Variants in OTUD7A observed in about 807,000 individuals in gnomAD.
OTUD7A encodes the protein OTU deubiquitinase 7A.
In OTUD7A, 12 loss-of-function variants were observed where a neutral mutation model predicts 65.7. That is an observed-to-expected ratio of 0.18 (90% CI 0.12 to 0.30). The LOEUF is 0.30. OTUD7A is among the 10% of genes least tolerant of loss of function. OTUD7A has a pLI of 1.00. For synonymous variants in OTUD7A, 641 were observed against 586.3 expected, an observed-to-expected ratio of 1.09 and a Z score of -1.35; for missense variants, 1,148 against 1,304.8, an observed-to-expected ratio of 0.88 and a Z score of 1.85.
intron 1 of OTUD7A, among the ~76,000 whole-genome samples, chr15:31,789,767 G>A (rs1395760700): frequency 1.4e-5 from 2 of 145,452 alleles, no homozygotes; most frequent in Non-Finnish European, 1.5e-5. Flanking sequence ...GTGCAATGTC[G>A]CGATCTCTGC....
At chr15:31,505,748 ATTTTTTT>A (rs58989170) in intron 8 of OTUD7A, among the ~76,000 whole-genome samples, 152 of 145,390 alleles carry the variant, frequency 1.0e-3, no homozygotes, top group Non-Finnish European at 1.6e-3. Flanking sequence ...ATTGAAGTTA[ATTTTTTT>A]TTTTTTTTTT....
At chr15:31,510,507 C>CTATATGTAACATAT (rs2041671849) in intron 8 of OTUD7A, among the ~76,000 whole-genome samples, 1 of 138,746 alleles carries the variant, frequency 7.2e-6, no homozygotes, top group African/African-American at 2.9e-5. Flanking sequence ...ATGTAACATA[C>CTATATGTAACATAT]ATATATATGT....
In OTUD7A at chr15:31,483,424, C is replaced by T. The variant is rs1444001871; in HGVS notation, c.2672G>A (p.Gly891Glu). Residue 891 changes from glycine to glutamate, a missense_variant, in exon 13 of 13, where the codon GGG becomes GAG. By Grantham distance (98) the Gly-to-Glu change is moderately conservative. Coordinates refer to ENST00000307050, the MANE Select transcript of OTUD7A (RefSeq NM_001382637.1). Reference sequence around the variant, plus strand: ...GCGCTGGCAGCGCCGCTGCACCGGCCCCGGGCCGCCACGGCCGCACTCACC... The same window carrying T: ...GCGCTGGCAGCGCCGCTGCACCGGCTCCGGGCCGCCACGGCCGCACTCACC... ...SNGECGRGGP[G>E]PVQRRCQREN... 31 of 1,372,110 alleles carry T rather than the reference C, an allele frequency of 2.3e-5. No homozygotes were observed. The highest frequency in any genetic ancestry group is 3.3e-5 in the Admixed American group (1 of 30,518). The allele number at this position is 1,372,110 out of a possible 1,614,324, so 85.0% of individuals were successfully genotyped here. A position where few individuals can be genotyped will look rare whatever the true frequency, so the allele number is the denominator to read the frequency against.
chr15:31,677,792 A>C (rs986057810), intron 1 of OTUD7A, among the ~76,000 whole-genome samples: 5 of 152,198 alleles, frequency 3.3e-5, no homozygotes, highest in Admixed American at 3.3e-4. Context: ...TAATAGAGTA[A>C]ATTGGTATCA....
chr15:31,548,221 T>C (rs62004124), intron 5 of OTUD7A, among the ~76,000 whole-genome samples: 336 of 68,296 alleles, frequency 4.9e-3, no homozygotes, highest in Middle Eastern at 0.013. Context: ...GTGGGCGCCC[T>C]GGGCCACCCC....
chr15:31,694,997 C>T (rs923309001), intron 1 of OTUD7A, among the ~76,000 whole-genome samples: 2 of 152,204 alleles, frequency 1.3e-5, no homozygotes, highest in African/African-American at 4.8e-5. Flanking sequence ...AGGCACCCAC[C>T]ACCACGCCTG....
intron 3 of OTUD7A, among the ~76,000 whole-genome samples, chr15:31,611,405 A>G (rs1429386374): frequency 2.6e-5 from 4 of 152,204 alleles, no homozygotes; most frequent in Admixed American, 6.5e-5. Context: ...AAATTGACAG[A>G]CCATTAGTAA....
chr15:31,802,212 G>A (rs34795604), intron 1 of OTUD7A, among the ~76,000 whole-genome samples: 48,683 of 151,196 alleles, frequency 0.32, 9,627 homozygotes, highest in Middle Eastern at 0.43. Context: ...ACAATAGGCC[G>A]TCTGCAGGCT....
chr15:31,574,872 T>C (rs1265173777), intron 3 of OTUD7A, among the ~76,000 whole-genome samples: 1 of 152,060 alleles, frequency 6.6e-6, no homozygotes, highest in Non-Finnish European at 1.5e-5. Flanking sequence ...CCTCCTCTAA[T>C]CAGCCCAGGG....
intron 5 of OTUD7A, among the ~76,000 whole-genome samples, chr15:31,552,531 T>C (rs1037672597): frequency 2.0e-5 from 3 of 152,240 alleles, no homozygotes; most frequent in African/African-American, 7.2e-5. Flanking sequence ...CATCCAGCCC[T>C]GTGCACACAC....
intron 1 of OTUD7A, among the ~76,000 whole-genome samples, chr15:31,669,469 A>G (rs12912967): frequency 0.2 from 29,889 of 152,142 alleles, 3,112 homozygotes; most frequent in East Asian, 0.25. Flanking sequence ...GCTGCCATGC[A>G]GTCCGAAGGG....
At chr15:31,723,900 A>C (rs1433821880) in intron 1 of OTUD7A, among the ~76,000 whole-genome samples, 3 of 93,946 alleles carry the variant, frequency 3.2e-5, no homozygotes, top group Non-Finnish European at 6.3e-5. Context: ...GTCACTAGCC[A>C]GGTGAGTGCC....
intron 1 of OTUD7A, among the ~76,000 whole-genome samples, chr15:31,818,399 T>C (rs949814610): frequency 3.3e-5 from 5 of 152,002 alleles, no homozygotes; most frequent in African/African-American, 9.7e-5. Flanking sequence ...GAGAAAAAAA[T>C]AGAAACCACT....
At chr15:31,859,670 T>C (rs1192941970) in intron 1 of OTUD7A, among the ~76,000 whole-genome samples, 1 of 152,242 alleles carries the variant, frequency 6.6e-6, no homozygotes, top group East Asian at 1.9e-4. Context: ...TCCTTGAAGC[T>C]AGTGGTTCTC....
chr15:31,500,449 C>T (rs1213344997), intron 10 of OTUD7A, among the ~76,000 whole-genome samples: 1 of 152,246 alleles, frequency 6.6e-6, no homozygotes, highest in South Asian at 2.1e-4. Context: ...GGGAGCTCTG[C>T]ATCTGCTCTT....
chr15:31,557,940 C>T (rs73372564), intron 5 of OTUD7A: 5,056 of 152,216 alleles, frequency 0.033, 265 homozygotes, highest in African/African-American at 0.12. Context: ...GACGTCTCCA[C>T]GGACCAAGCC....
intron 5 of OTUD7A, among the ~76,000 whole-genome samples, chr15:31,545,186 T>C (rs1888094043): frequency 6.6e-6 from 1 of 152,056 alleles, no homozygotes; most frequent in Non-Finnish European, 1.5e-5. Context: ...AAGGTTACAC[T>C]GCAGCATAAT....
At chr15:31,863,454 T>C (rs779411805) in intron 1 of OTUD7A, among the ~76,000 whole-genome samples, 18 of 152,232 alleles carry the variant, frequency 1.2e-4, no homozygotes, top group Non-Finnish European at 2.1e-4. Flanking sequence ...TTCTGAAATC[T>C]AGGTGGAGGT....
In OTUD7A at chr15:31,768,129, G is replaced by A. The variant is rs906194990; in HGVS notation, c.-100+102378C>T. On this transcript the variant is annotated intron_variant, in intron 1 of 12. Coordinates refer to ENST00000307050, the MANE Select transcript of OTUD7A (RefSeq NM_001382637.1). ...TGTTTTCTTAGAGGCATTCCTGCTC[G>A]AAAAGATGTGGTAACTTCATTCCAC... 8.8e-6 allele frequency: 14 copies of A among 1,591,710 alleles called. 1 individual carries two copies. In the East Asian group the frequency reaches 8.9e-5, roughly 10 times the overall value.
Sources: allele counts gnomAD v4.1 joint callset (sites outside exome capture counted in the v4.1 genomes callset), GRCh38; gene constraint gnomAD v4.1.1; transcripts MANE v1.5; gene names NCBI Gene and HGNC (gene_info 2026-07-23, HGNC 2026-07-21).